Variants in GRIA2 observed in about 807,000 individuals in gnomAD.
GRIA2 encodes glutamate receptor 2.
A neutral mutation model predicts 97.3 loss-of-function variants in GRIA2; 14 were observed. The ratio of observed to expected loss-of-function variants is 0.14; its 90% CI spans 0.10 to 0.23. GRIA2 has a LOEUF of 0.23. Among genes scored for constraint, GRIA2 ranks in the 10% least tolerant of loss-of-function variants. GRIA2 has a pLI of 1.00. For missense variants in GRIA2, 558 were observed against 1,069.8 expected (o/e 0.52, Z 6.67); for synonymous variants, 412 against 387.8 (o/e 1.06, Z -0.73).
In GRIA2 at chr4:157,341,251, T is replaced by C. The variant is rs1735535339; in HGVS notation, c.1845-13T>C. ...CATTTCACTTTACAAATCCATTTCA[T>C]ACTTGTTATTAGATCCCTCTCTGGG... On this transcript the variant is annotated splice_polypyrimidine_tract_variant and intron_variant, in intron 11 of 15. Coordinates refer to ENST00000264426, the MANE Select transcript of GRIA2 (RefSeq NM_001083619.3). 6.3e-7 allele frequency: 1 copy of C among 1,584,524 alleles called. No individual in the cohort carries two copies. Among genetic ancestry groups the C allele is most frequent in the Non-Finnish European group, 8.7e-7 (1 of 1,153,478 alleles).
intron 12 of GRIA2, among the ~76,000 whole-genome samples, chr4:157,347,079 G>A (rs781607870): frequency 6.6e-6 from 1 of 152,094 alleles, no homozygotes; most frequent in Non-Finnish European, 1.5e-5. Context: ...CCTTTAAAAC[G>A]TATTGCCCAG....
intron 11 of GRIA2, among the ~76,000 whole-genome samples, chr4:157,338,224 G>A (rs1735392361): frequency 6.6e-6 from 1 of 151,646 alleles, no homozygotes; most frequent in Admixed American, 6.6e-5. Context: ...AAATGATAAA[G>A]AAGTGGTTCT....
At chr4:157,273,696 A>T (rs945106707) in intron 2 of GRIA2, among the ~76,000 whole-genome samples, 1 of 152,106 alleles carries the variant, frequency 6.6e-6, no homozygotes, top group African/African-American at 2.4e-5. Flanking sequence ...AGAGAGAAAA[A>T]AAGATTGGAA....
intron 2 of GRIA2, among the ~76,000 whole-genome samples, chr4:157,235,161 T>A (rs1024893316): frequency 1.3e-5 from 2 of 152,158 alleles, no homozygotes; most frequent in African/African-American, 4.8e-5. Flanking sequence ...ATACACTGGA[T>A]AAAAGCTATA....
At position 157,361,493 on chromosome 4, in the gene GRIA2, TA is replaced by T. The variant is rs768968225; in HGVS notation, c.2406+373del. The T allele has an allele frequency of 1.2e-5, 16 of 1,323,976 alleles. No individual in the cohort carries two copies. Among genetic ancestry groups the T allele is most frequent in the Non-Finnish European group, 1.6e-5 (15 of 918,784 alleles). The allele number at this position is 1,323,976 out of a possible 1,614,324, so 82.0% of individuals were successfully genotyped here. ...AATCAGTATTATGTAATGAATAACA[TA>T]AAATAACATTGATAATGTTATTTAT... On this transcript the variant is annotated intron_variant, in intron 14 of 15. Coordinates refer to ENST00000264426, the MANE Select transcript of GRIA2 (RefSeq NM_001083619.3). The surrounding 1 kb of genome is among the most constrained non-coding windows in gnomAD (Gnocchi z 5.2).
intron 2 of GRIA2, among the ~76,000 whole-genome samples, chr4:157,236,233 T>C (rs1730240020): frequency 6.6e-6 from 1 of 152,014 alleles, no homozygotes; most frequent in Non-Finnish European, 1.5e-5. Context: ...TTAAAAATTG[T>C]GATGAAAATA....
At chr4:157,349,317 A>G (rs550033295) in intron 12 of GRIA2, among the ~76,000 whole-genome samples, 1 of 151,940 alleles carries the variant, frequency 6.6e-6, no homozygotes, top group African/African-American at 2.4e-5. Context: ...TTTTCCTTTT[A>G]TGTTACTTCC....
chr4:157,250,520 T>C (rs1240413847), intron 2 of GRIA2, among the ~76,000 whole-genome samples: 1 of 152,162 alleles, frequency 6.6e-6, no homozygotes, highest in African/African-American at 2.4e-5. Flanking sequence ...ATCCAGAGTT[T>C]CTTTTCATTC....
rs1734408868 is a variant in GRIA2 at position 157,318,164 on chromosome 4, A to T, written c.720+453A>T. 2.0e-5 allele frequency among the ~76,000 whole-genome samples: 3 copies of T among 152,138 alleles called. No homozygotes were observed. In the South Asian group the frequency reaches 6.2e-4, roughly 32 times the overall value. ...TTGTCTTAGATGCTGTATTTTAAGA[A>T]AAGGGAAAATTCTCAAAAATATTTA... On this transcript the variant is annotated intron_variant, in intron 5 of 15. Coordinates refer to ENST00000264426, the MANE Select transcript of GRIA2 (RefSeq NM_001083619.3).
At chr4:157,267,955 A>G (rs539372179) in intron 2 of GRIA2, among the ~76,000 whole-genome samples, 2 of 152,258 alleles carry the variant, frequency 1.3e-5, no homozygotes, top group South Asian at 4.1e-4. Context: ...GGAAGATAAT[A>G]AACAAGAACT....
chr4:157,331,601 A>G (rs896399419), intron 6 of GRIA2, among the ~76,000 whole-genome samples: 2 of 151,946 alleles, frequency 1.3e-5, no homozygotes, highest in Non-Finnish European at 2.9e-5. Context: ...TCTTGATGTG[A>G]TATTTCTTAT....
At chr4:157,355,783 ATATATATTAGTTATATATATT>A (rs1326603000) in intron 12 of GRIA2, among the ~76,000 whole-genome samples, 2 of 57,752 alleles carry the variant, frequency 3.5e-5, no homozygotes, top group African/African-American at 4.4e-5. Flanking sequence ...TTATATATTT[ATATATATTAGTTATATATATT>A]TATATATTAG....
At chr4:157,324,000 G>C (rs1734699075) in intron 6 of GRIA2, among the ~76,000 whole-genome samples, 1 of 152,090 alleles carries the variant, frequency 6.6e-6, no homozygotes, top group Non-Finnish European at 1.5e-5. Context: ...GTTTGACCCT[G>C]GGTCCAGGAT....
chr4:157,352,933 C>T (rs1736078437), intron 12 of GRIA2, among the ~76,000 whole-genome samples: 1 of 152,004 alleles, frequency 6.6e-6, no homozygotes, highest in Non-Finnish European at 1.5e-5. Flanking sequence ...TTGGCGGGCG[C>T]CTGTAATCCC....
chr4:157,321,291 A>G (rs1169218878), intron 5 of GRIA2, 147 bp from the exon 6 acceptor site: 1 of 597,200 alleles, frequency 1.7e-6, no homozygotes, highest in Non-Finnish European at 2.9e-6. Context: ...CTGGCTGATA[A>G]ATACATGGGA....
intron 2 of GRIA2, among the ~76,000 whole-genome samples, chr4:157,300,138 G>A (rs909674776): frequency 2.6e-5 from 4 of 151,890 alleles, no homozygotes; most frequent in Non-Finnish European, 4.4e-5. Context: ...CAAAGTTAAG[G>A]AAATGGCTTT....
chr4:157,362,414 T>C, intron 14 of GRIA2: 1 of 459,794 alleles, frequency 2.2e-6, no homozygotes, highest in Non-Finnish European at 4.4e-6. Context: ...ATTTTAGCCC[T>C]GTTCGCTGTC....
chr4:157,301,308 A>C (rs1217529247), intron 2 of GRIA2, among the ~76,000 whole-genome samples: 1 of 152,244 alleles, frequency 6.6e-6, no homozygotes, highest in Non-Finnish European at 1.5e-5. Context: ...CATAGTTATC[A>C]AATACACTAA....
In GRIA2 at chr4:157,364,444, C is replaced by T. The variant is rs181049161; in HGVS notation, c.*1013C>T. 3.0e-4 allele frequency: 45 copies of T among 151,642 alleles called. No individual in the cohort carries two copies. The highest frequency in any genetic ancestry group is 6.2e-4 in the South Asian group (3 of 4,804). 9.4% of individuals were successfully genotyped at this position (151,642 alleles called of 1,614,324 possible). A position where few individuals can be genotyped will look rare whatever the true frequency, so the allele number is the denominator to read the frequency against. On this transcript the variant is annotated 3_prime_UTR_variant, in exon 16 of 16. Coordinates refer to ENST00000264426, the MANE Select transcript of GRIA2 (RefSeq NM_001083619.3). Reference sequence around the variant, plus strand: ...TGTAATCTTGCCCCCAAAGTAATATCTGAATATCTTTTTGACATGTCTAAA... The same window carrying T: ...TGTAATCTTGCCCCCAAAGTAATATTTGAATATCTTTTTGACATGTCTAAA...
Sources: allele counts gnomAD v4.1 joint callset (sites outside exome capture counted in the v4.1 genomes callset), GRCh38; gene constraint gnomAD v4.1.1; non-coding constraint Gnocchi (gnomAD v3.1); transcripts MANE v1.5; gene names NCBI Gene and HGNC (gene_info 2026-07-23, HGNC 2026-07-21).